Variants in AKAP19 observed in about 807,000 individuals in gnomAD.
AKAP19 encodes the protein small A-kinase anchoring protein.
the AKAP19 span, among the ~76,000 whole-genome samples, chr2:190,000,509 A>G: frequency 6.6e-6 from 1 of 152,240 alleles, no homozygotes; most frequent in Non-Finnish European, 1.5e-5. Context: ...GTAAAAGTCC[A>G]GGCATGTATA....
the AKAP19 span, among the ~76,000 whole-genome samples, chr2:190,187,760 CAG>C: frequency 6.6e-6 from 1 of 152,080 alleles, no homozygotes; most frequent in East Asian, 1.9e-4. Context: ...AGGCTGAAGC[CAG>C]AGAATAGTTT....
At chr2:189,893,970 G>A in the AKAP19 span, among the ~76,000 whole-genome samples, 12 of 152,070 alleles carry the variant, frequency 7.9e-5, no homozygotes, top group African/African-American at 1.2e-4. Context: ...TAGGCATTAC[G>A]GGTGACTCAA....
chr2:189,941,366 G>A, the AKAP19 span, among the ~76,000 whole-genome samples: 1 of 152,196 alleles, frequency 6.6e-6, no homozygotes, highest in African/African-American at 2.4e-5. Context: ...ACTCCAGTAT[G>A]AAGGCCAAAA....
At chr2:189,964,702 C>T in the AKAP19 span, among the ~76,000 whole-genome samples, 1 of 152,152 alleles carries the variant, frequency 6.6e-6, no homozygotes, top group Non-Finnish European at 1.5e-5. Context: ...TATGAACCAA[C>T]CTATGTTAGT....
chr2:189,959,708 C>T, the AKAP19 span, among the ~76,000 whole-genome samples: 4 of 152,294 alleles, frequency 2.6e-5, no homozygotes, highest in South Asian at 2.1e-4. Context: ...GAATGTGTGA[C>T]AAGCTAACAG....
chr2:189,971,659 T>A, the AKAP19 span, among the ~76,000 whole-genome samples: 2 of 152,200 alleles, frequency 1.3e-5, no homozygotes, highest in Non-Finnish European at 2.9e-5. Flanking sequence ...TTTCCTGACT[T>A]TTTAATGATC....
the AKAP19 span, among the ~76,000 whole-genome samples, chr2:189,940,526 A>G: frequency 6.6e-6 from 1 of 152,158 alleles, no homozygotes; most frequent in African/African-American, 2.4e-5. Flanking sequence ...TTCAAAGACC[A>G]GGTTTAAGAA....
the AKAP19 span, among the ~76,000 whole-genome samples, chr2:190,001,483 T>C: frequency 6.6e-6 from 1 of 152,236 alleles, no homozygotes; most frequent in African/African-American, 2.4e-5. Flanking sequence ...TTCCTTTGTT[T>C]AGTAGCTTGT....
At chr2:190,180,892 C>G in the AKAP19 span, 1 of 985,140 alleles carries the variant, frequency 1.0e-6, no homozygotes. This position sits in a 1 kb window ranked among gnomAD's most constrained non-coding sequence, Gnocchi z 6.8. Context: ...AGCCGGGCGC[C>G]GGCGAGAAGG....
At chr2:190,019,548 C>A in the AKAP19 span, among the ~76,000 whole-genome samples, 2 of 151,988 alleles carry the variant, frequency 1.3e-5, no homozygotes, top group African/African-American at 4.8e-5. Context: ...CTGGCAGGTA[C>A]ACAGAGCTAC....
chr2:190,021,209 T>A, the AKAP19 span, among the ~76,000 whole-genome samples: 1 of 152,154 alleles, frequency 6.6e-6, no homozygotes, highest in South Asian at 2.1e-4. Context: ...CATTTTGTGA[T>A]TTTTGTTTCC....
chr2:190,179,534 A>C, the AKAP19 span, among the ~76,000 whole-genome samples: 2 of 152,218 alleles, frequency 1.3e-5, no homozygotes, highest in Admixed American at 1.3e-4. The surrounding 1 kb of genome is among the most constrained non-coding windows in gnomAD (Gnocchi z 6.0). Flanking sequence ...GAAAAATTAC[A>C]TTTCTGGGCC....
At chr2:190,038,986 C>CTT in the AKAP19 span, among the ~76,000 whole-genome samples, 5 of 117,982 alleles carry the variant, frequency 4.2e-5, no homozygotes, top group African/African-American at 1.7e-4. Context: ...TCTTCTTCTT[C>CTT]CTTTCTTTCT....
the AKAP19 span, among the ~76,000 whole-genome samples, chr2:190,134,520 A>T: frequency 6.6e-6 from 1 of 152,202 alleles, no homozygotes; most frequent in South Asian, 2.1e-4. Context: ...ACTTAATGTC[A>T]TAAGGTTATT....
the AKAP19 span, among the ~76,000 whole-genome samples, chr2:190,111,937 G>A: frequency 4.0e-5 from 6 of 151,550 alleles, no homozygotes; most frequent in Non-Finnish European, 2.9e-5. Flanking sequence ...TCGCTCTGTC[G>A]CCCAGGCTGG....
the AKAP19 span, chr2:190,150,449 G>T: frequency 6.6e-6 from 1 of 152,122 alleles, no homozygotes; most frequent in Non-Finnish European, 1.5e-5. Flanking sequence ...TCAGCTCCAG[G>T]TGAAGTCAGA....
chr2:190,081,533 C>T, the AKAP19 span, among the ~76,000 whole-genome samples: 1 of 152,168 alleles, frequency 6.6e-6, no homozygotes, highest in Non-Finnish European at 1.5e-5. Context: ...AACCATCTTG[C>T]CTTTTTTGAC....
the AKAP19 span, among the ~76,000 whole-genome samples, chr2:190,107,509 T>C: frequency 6.6e-6 from 1 of 152,152 alleles, no homozygotes; most frequent in African/African-American, 2.4e-5. Flanking sequence ...TTCATTTTAG[T>C]TTAAGAAATA....
chr2:190,055,416 A>G, the AKAP19 span, among the ~76,000 whole-genome samples: 3 of 152,296 alleles, frequency 2.0e-5, no homozygotes, highest in South Asian at 2.1e-4. Flanking sequence ...CCAACATGGC[A>G]CATGTATACA....
Sources: allele counts gnomAD v4.1 joint callset (sites outside exome capture counted in the v4.1 genomes callset), GRCh38; gene constraint gnomAD v4.1.1; non-coding constraint Gnocchi (gnomAD v3.1); transcripts MANE v1.5; gene names NCBI Gene and HGNC (gene_info 2026-07-23, HGNC 2026-07-21).